ANKIB1: variants seen among roughly 807,000 people sequenced by gnomAD.
ANKIB1 encodes the protein ankyrin repeat and IBR domain-containing protein 1.
Under a neutral mutation model 122.1 loss-of-function variants are expected in ANKIB1, and 43 were observed. The observed-to-expected ratio is 0.35, with a 90% CI of 0.28 to 0.45. ANKIB1 has a LOEUF of 0.45. ANKIB1 is among the 20% of genes least tolerant of loss of function. The pLI, the probability that ANKIB1 is intolerant of heterozygous loss-of-function variation, is 1.00. For synonymous variants in ANKIB1, 390 were observed against 442.0 expected (o/e 0.88, Z 1.48); for missense variants, 992 against 1,329.5 (o/e 0.75, Z 3.95).
At chr7:92,253,854 G>A (rs1200287324) in intron 1 of ANKIB1, among the ~76,000 whole-genome samples, 2 of 152,058 alleles carry the variant, frequency 1.3e-5, no homozygotes, top group African/African-American at 4.8e-5. Flanking sequence ...ATTCTTCTTT[G>A]CAGTGTGCCT....
At chr7:92,344,957 A>G (rs199666784) in intron 6 of ANKIB1, 21 bp from the exon 7 acceptor site, 30 of 1,572,174 alleles carry the variant, frequency 1.9e-5, no homozygotes, top group Admixed American at 1.5e-4. Flanking sequence ...TGTTTAAATC[A>G]TTGTTCTTCT....
chr7:92,296,766 A>G (rs1802365469), intron 2 of ANKIB1, among the ~76,000 whole-genome samples: 1 of 152,208 alleles, frequency 6.6e-6, no homozygotes, highest in South Asian at 2.1e-4. Flanking sequence ...TAGAAGTTCT[A>G]TAAAATCATT....
In ANKIB1 at chr7:92,391,361, CTG is replaced by C. The variant is rs766557006; in HGVS notation, c.2231+20_2231+21del. 1 of 1,555,770 alleles carries C rather than the reference CTG, an allele frequency of 6.4e-7. No individual in the cohort carries two copies. On this transcript the variant is annotated intron_variant, in intron 16 of 19. Coordinates refer to ENST00000265742, the MANE Select transcript of ANKIB1 (RefSeq NM_019004.2). Reference sequence around the variant, plus strand: ...AAGGCGCAGGTAAAAAGGACGTACACTGTGGAAATCATCCTAGCTCCAGCCAC... The same window carrying C: ...AAGGCGCAGGTAAAAAGGACGTACACTGGAAATCATCCTAGCTCCAGCCAC...
intron 1 of ANKIB1, among the ~76,000 whole-genome samples, chr7:92,255,474 C>T (rs1190268060): frequency 6.6e-6 from 1 of 152,148 alleles, no homozygotes. Context: ...CCAGGCTTGT[C>T]ACCTCGTGGT....
intron 9 of ANKIB1, among the ~76,000 whole-genome samples, chr7:92,359,321 G>A (rs541193848): frequency 1.3e-5 from 2 of 152,250 alleles, no homozygotes; most frequent in East Asian, 3.9e-4. Flanking sequence ...AACATGCATT[G>A]TTTGGTTTTC....
chr7:92,266,795 C>G (rs1471156834), intron 1 of ANKIB1, among the ~76,000 whole-genome samples: 1 of 152,222 alleles, frequency 6.6e-6, no homozygotes, highest in Admixed American at 6.5e-5. Context: ...AGCATCCACA[C>G]ATGGCAGAAG....
intron 15 of ANKIB1, among the ~76,000 whole-genome samples, chr7:92,390,729 C>T (rs1354650721): frequency 6.6e-6 from 1 of 152,178 alleles, no homozygotes; most frequent in South Asian, 2.1e-4. Context: ...CACACTTGAC[C>T]CCAATCACTG....
chr7:92,280,014 C>T (rs1274849660), intron 1 of ANKIB1, among the ~76,000 whole-genome samples: 1 of 152,164 alleles, frequency 6.6e-6, no homozygotes, highest in Non-Finnish European at 1.5e-5. Flanking sequence ...CTGGAAATTG[C>T]TTCTCTTTAA....
chr7:92,285,457 ATAAGT>A (rs1402768268), intron 1 of ANKIB1, among the ~76,000 whole-genome samples: 3 of 152,244 alleles, frequency 2.0e-5, no homozygotes, highest in Non-Finnish European at 4.4e-5. Context: ...TAAATGGAAG[ATAAGT>A]TATGTTAGAT....
chr7:92,382,583 A>G (rs1286319941), intron 11 of ANKIB1, among the ~76,000 whole-genome samples: 1 of 152,194 alleles, frequency 6.6e-6, no homozygotes, highest in Non-Finnish European at 1.5e-5. Flanking sequence ...GGATTAAGAA[A>G]CCCACTCAAA....
intron 1 of ANKIB1, among the ~76,000 whole-genome samples, chr7:92,247,170 A>G (rs575055659): frequency 1.2e-4 from 19 of 152,324 alleles, no homozygotes; most frequent in Admixed American, 2.6e-4. Flanking sequence ...TGGCATATCG[A>G]ACAATCTTGT....
At chr7:92,394,789 T>C (rs1804851915) in intron 17 of ANKIB1, among the ~76,000 whole-genome samples, 2 of 152,158 alleles carry the variant, frequency 1.3e-5, no homozygotes, top group South Asian at 4.1e-4. Flanking sequence ...AGAACCAGTA[T>C]AAACCCTCAG....
intron 1 of ANKIB1, chr7:92,294,475 G>A (rs537274595): frequency 6.4e-6 from 1 of 157,202 alleles, no homozygotes; most frequent in Admixed American, 6.5e-5. Context: ...TCTTGTTTGG[G>A]CAAAATTTCC....
chr7:92,260,682 CAA>C (rs767407554), intron 1 of ANKIB1, among the ~76,000 whole-genome samples: 31 of 115,390 alleles, frequency 2.7e-4, no homozygotes, highest in Admixed American at 3.6e-4. Flanking sequence ...GACCCTGTCT[CAA>C]AAAAAAAAAA....
At chr7:92,377,413 C>T (rs924442389) in intron 11 of ANKIB1, among the ~76,000 whole-genome samples, 5 of 152,014 alleles carry the variant, frequency 3.3e-5, no homozygotes, top group African/African-American at 7.3e-5. Context: ...TATCATTGAT[C>T]GTAGATCACA....
intron 6 of ANKIB1, among the ~76,000 whole-genome samples, chr7:92,344,774 A>G (rs916439188): frequency 7.9e-5 from 12 of 152,194 alleles, no homozygotes; most frequent in African/African-American, 2.9e-4. Context: ...AAACATTTAA[A>G]TCCCACTTTT....
chr7:92,366,428 A>G (rs73414060), intron 10 of ANKIB1, among the ~76,000 whole-genome samples: 4,370 of 152,206 alleles, frequency 0.029, 203 homozygotes, highest in African/African-American at 0.1. Flanking sequence ...AATTTGATCT[A>G]TTACCCTGAA....
rs1162030934 is a variant in ANKIB1 at position 92,386,571 on chromosome 7, A to G, written c.1680A>G (p.Gly560=). Residue 560 remains glycine (G), a synonymous_variant, in exon 12 of 20, where the codon GGA becomes GGG. Coordinates refer to ENST00000265742, the MANE Select transcript of ANKIB1 (RefSeq NM_019004.2). Reference sequence around the variant, plus strand: ...GGAAAAAACATAGTTCGTCCACTGGAGGTTATTACAGATGTACTCGCTATG... The same window carrying G: ...GGAAAAAACATAGTTCGTCCACTGGGGGTTATTACAGATGTACTCGCTATG... ...EEWKKHSSST[G]GYYRCTRYEV... The G allele has an allele frequency of 6.2e-7, 1 of 1,606,018 alleles. No homozygotes were observed. Among genetic ancestry groups the G allele is most frequent in the Non-Finnish European group, 8.5e-7 (1 of 1,176,288 alleles).
At chr7:92,259,602 T>A (rs1801518638) in intron 1 of ANKIB1, among the ~76,000 whole-genome samples, 1 of 152,250 alleles carries the variant, frequency 6.6e-6, no homozygotes, top group Non-Finnish European at 1.5e-5. Context: ...TTTAATAGCA[T>A]GTGTAAATTG....
Sources: allele counts gnomAD v4.1 joint callset (sites outside exome capture counted in the v4.1 genomes callset), GRCh38; gene constraint gnomAD v4.1.1; transcripts MANE v1.5; gene names NCBI Gene and HGNC (gene_info 2026-07-23, HGNC 2026-07-21).